The following NOX4 variants were observed in gnomAD, a reference collection of about 807,000 sequenced individuals.
NOX4 encodes NADPH oxidase 4.
In NOX4, 69 loss-of-function variants were observed where a neutral mutation model predicts 87.6. The ratio of observed to expected loss-of-function variants is 0.79; its 90% CI spans 0.65 to 0.96. The LOEUF is 0.96. Ranked by LOEUF, NOX4 falls within the 40% of genes least tolerant of loss-of-function variation. The probability of loss-of-function intolerance (pLI) is 0.00; values close to 1 mark genes in which losing one functional copy is unlikely to be tolerated. For synonymous variants in NOX4, 275 were observed against 238.2 expected, an observed-to-expected ratio of 1.15 and a Z score of -1.42; for missense variants, 680 against 681.5, an observed-to-expected ratio of 1.00 and a Z score of 0.02.
chr11:89,539,790 A>G, the NOX4 span, among the ~76,000 whole-genome samples: 1 of 152,192 alleles, frequency 6.6e-6, no homozygotes, highest in African/African-American at 2.4e-5. Context: ...CTTTTGGTCA[A>G]AACAGCCATA....
intron 7 of NOX4, among the ~76,000 whole-genome samples, chr11:89,428,924 C>A (rs1158353069): frequency 7.9e-5 from 12 of 152,202 alleles, no homozygotes. Flanking sequence ...CTTCTCAGAA[C>A]CACATCGCAC....
At chr11:89,525,303 T>C in the NOX4 span, among the ~76,000 whole-genome samples, 2 of 152,098 alleles carry the variant, frequency 1.3e-5, no homozygotes, top group African/African-American at 4.8e-5. Context: ...CCAAAGAGTT[T>C]TCTAAAGTGG....
the NOX4 span, among the ~76,000 whole-genome samples, chr11:89,535,462 C>G: frequency 6.6e-6 from 1 of 152,216 alleles, no homozygotes; most frequent in Admixed American, 6.5e-5. Flanking sequence ...AATTTACACA[C>G]TAAAGGAATT....
chr11:89,468,521 T>C (rs1945799920), intron 2 of NOX4, among the ~76,000 whole-genome samples: 1 of 152,218 alleles, frequency 6.6e-6, no homozygotes, highest in South Asian at 2.1e-4. Flanking sequence ...ATGGAAATTA[T>C]GTCACATAAA....
intron 17 of NOX4, among the ~76,000 whole-genome samples, chr11:89,334,862 G>A (rs959374294): frequency 2.6e-5 from 4 of 151,546 alleles, no homozygotes; most frequent in South Asian, 4.2e-4. Context: ...TAGTTCAAAT[G>A]TAAAAATAAA....
At chr11:89,459,404 T>G (rs1945349927) in intron 2 of NOX4, among the ~76,000 whole-genome samples, 1 of 152,082 alleles carries the variant, frequency 6.6e-6, no homozygotes, top group Non-Finnish European at 1.5e-5. Context: ...AAACACAATT[T>G]ATCCCTATAG....
chr11:89,392,631 G>A (rs920419339), intron 11 of NOX4, among the ~76,000 whole-genome samples: 3 of 151,998 alleles, frequency 2.0e-5, no homozygotes, highest in Non-Finnish European at 2.9e-5. Context: ...ATTGATGAAC[G>A]TGTTAGAGTT....
chr11:89,420,138 A>C (rs183757139), intron 8 of NOX4, among the ~76,000 whole-genome samples: 1 of 152,250 alleles, frequency 6.6e-6, no homozygotes, highest in Non-Finnish European at 1.5e-5. Flanking sequence ...TGAATCTAGG[A>C]TCCATCAGTT....
upstream of NOX4, among the ~76,000 whole-genome samples, chr11:89,493,470 A>T (rs1239187013): frequency 6.6e-6 from 1 of 152,106 alleles, no homozygotes; most frequent in Non-Finnish European, 1.5e-5. Flanking sequence ...TTTGCTTCCA[A>T]TTAAAACAAC....
At chr11:89,490,906 A>C (rs1370911145) in intron 1 of NOX4, 1 of 702,196 alleles carries the variant, frequency 1.4e-6, no homozygotes, top group South Asian at 1.5e-5. Flanking sequence ...AAAATGTTTA[A>C]AGGGTAAAAA....
chr11:89,552,783 T>G, the NOX4 span, among the ~76,000 whole-genome samples: 11,352 of 152,108 alleles, frequency 0.075, 923 homozygotes, highest in East Asian at 0.29. Flanking sequence ...ACAGTAAGAA[T>G]TTTGCTGAGA....
chr11:89,583,827 T>C, the NOX4 span, among the ~76,000 whole-genome samples: 11 of 152,118 alleles, frequency 7.2e-5, no homozygotes, highest in Non-Finnish European at 1.5e-4. Flanking sequence ...ACATCTTTGT[T>C]TACCCAGGAC....
intron 6 of NOX4, among the ~76,000 whole-genome samples, chr11:89,435,332 T>C (rs1297890460): frequency 1.3e-5 from 2 of 152,100 alleles, no homozygotes; most frequent in Non-Finnish European, 2.9e-5. Context: ...GCATACACTT[T>C]CCTATATAGT....
At chr11:89,526,884 G>A in the NOX4 span, among the ~76,000 whole-genome samples, 1 of 152,166 alleles carries the variant, frequency 6.6e-6, no homozygotes, top group Non-Finnish European at 1.5e-5. Flanking sequence ...CAAAAATGTG[G>A]AAGTGACTTT....
chr11:89,515,984 A>G, the NOX4 span, among the ~76,000 whole-genome samples: 1 of 152,040 alleles, frequency 6.6e-6, no homozygotes, highest in Admixed American at 6.6e-5. Flanking sequence ...TTGTTGTTAC[A>G]CCTAACAATT....
At chr11:89,405,175 C>T (rs1372693518) in intron 8 of NOX4, among the ~76,000 whole-genome samples, 2 of 145,466 alleles carry the variant, frequency 1.4e-5, no homozygotes, top group Non-Finnish European at 3.0e-5. Flanking sequence ...GTCGTTAATC[C>T]CTTCTCCTGT....
the NOX4 span, among the ~76,000 whole-genome samples, chr11:89,567,882 G>A: frequency 1.4e-4 from 21 of 152,336 alleles, 1 homozygote; most frequent in South Asian, 4.4e-3. Flanking sequence ...TCACTAGCAT[G>A]AGCATGTGTA....
chr11:89,331,832 C>T (rs1420841797), intron 17 of NOX4, among the ~76,000 whole-genome samples: 1 of 151,410 alleles, frequency 6.6e-6, no homozygotes, highest in Non-Finnish European at 1.5e-5. Flanking sequence ...ACTAGCTTAA[C>T]TCTCTGATAT....
intron 11 of NOX4, among the ~76,000 whole-genome samples, chr11:89,395,563 C>G (rs556692809): frequency 1.6e-4 from 25 of 152,276 alleles, no homozygotes; most frequent in African/African-American, 5.3e-4. Context: ...CTGTTTTAGT[C>G]ATGAAGTCCT....
Sources: allele counts gnomAD v4.1 joint callset (sites outside exome capture counted in the v4.1 genomes callset), GRCh38; gene constraint gnomAD v4.1.1; transcripts MANE v1.5; gene names NCBI Gene and HGNC (gene_info 2026-07-23, HGNC 2026-07-21).